The following ITGB4 variants were observed in gnomAD, a reference collection of about 807,000 sequenced individuals.
ITGB4 encodes the protein integrin subunit beta 4, also known as integrin beta-4.
Under a neutral mutation model 207.6 loss-of-function variants are expected in ITGB4, and 159 were observed. That is an observed-to-expected ratio of 0.77 (90% CI 0.67 to 0.87). The LOEUF is 0.87. Among genes scored for constraint, ITGB4 ranks in the 40% least tolerant of loss-of-function variants. The pLI is 0.00. For missense variants in ITGB4, 2,278 were observed against 2,546.8 expected (o/e 0.89, Z 2.27); for synonymous variants, 1,020 against 1,062.7 (o/e 0.96, Z 0.78).
chr17:75,724,804 G>T (rs1406228111), intron 2 of ITGB4, 22 bp downstream of exon 2: 1 of 1,601,062 alleles, frequency 6.2e-7, no homozygotes, highest in African/African-American at 1.3e-5. Context: ...TTGCCCTGCA[G>T]CCCCCTCCTG....
In ITGB4 at chr17:75,727,650, G is replaced by T; in HGVS notation, c.265-1G>T. 6.2e-7 allele frequency: 1 copy of T among 1,602,966 alleles called. No homozygotes were observed. ...CAGCTGTCCCCTTCCACTGGCTGCA[G>T]GAGACCCAGATTGACACCACCCTGC... On this transcript the variant is annotated splice_acceptor_variant, in intron 4 of 39. Transcript: ENST00000200181. LOFTEE classifies it high-confidence loss of function. This position sits in a 1 kb window ranked among gnomAD's most constrained non-coding sequence, Gnocchi z 6.0.
rs751621684 is a variant in ITGB4, at chr17:75,742,665, G to A, written c.2866G>A (p.Asp956Asn). Residue 956 changes from aspartate (D) to asparagine (N), a missense_variant, in exon 25 of 40, where the codon GAC becomes AAC. Transcript: ENST00000200181. The surrounding 1 kb of genome is among the most constrained non-coding windows in gnomAD (Gnocchi z 5.9). ...VPLFIRPEDDDEKQLLVEAID... is the reference protein window; with the variant it reads ...VPLFIRPEDDNEKQLLVEAID... ...CCTCTTTATCCGGCCTGAGGATGAC[G>A]ACGAGAAGCAGCTGCTGGTGGAGGC... 61 of 1,613,900 alleles carry A rather than the reference G, an allele frequency of 3.8e-5. No individual in the cohort carries two copies. Among genetic ancestry groups the A allele is most frequent in the East Asian group, 2.0e-4 (9 of 44,888 alleles).
At chr17:75,751,359 G>A (rs1010740668) in intron 30 of ITGB4, among the ~76,000 whole-genome samples, 2 of 152,212 alleles carry the variant, frequency 1.3e-5, no homozygotes, top group African/African-American at 4.8e-5. Context: ...GAGGTCACAG[G>A]CCCAGGGGTA....
chr17:75,737,150 A>C (rs1426093803), intron 16 of ITGB4, among the ~76,000 whole-genome samples, 172 bp from the exon 17 acceptor site: 1 of 152,088 alleles, frequency 6.6e-6, no homozygotes, highest in Admixed American at 6.5e-5. Context: ...CCCCCACCAC[A>C]CCCGTTCCTG....
chr17:75,724,636 C>G, intron 1 of ITGB4, 58 bp from the exon 2 acceptor site: 2 of 1,277,878 alleles, frequency 1.6e-6, no homozygotes, highest in South Asian at 2.4e-5. Flanking sequence ...CGAGAGGAAG[C>G]TGACGGCACC....
chr17:75,730,123 A>G, intron 7 of ITGB4, 118 bp from the exon 8 acceptor site: 1 of 1,340,422 alleles, frequency 7.5e-7, no homozygotes, highest in Non-Finnish European at 1.0e-6. Context: ...CTTGCTGTGA[A>G]TCCAGTGGCT....
Position 75,737,635 on chromosome 17 carries a change from C to G in ITGB4, c.2211C>G (p.Ala737=). ...LLLLLCWKYC[A]CCKACLALLP... ...TGCTGCTATGCTGGAAGTACTGTGC[C>G]TGCTGCAAGGTGAGCACCCAGGGTG... Residue 737 remains alanine (A), a synonymous_variant, in exon 18 of 40, where the codon GCC becomes GCG. Transcript: ENST00000200181. The G allele has an allele frequency of 6.2e-7, 1 of 1,613,030 alleles. No homozygotes were observed. The highest frequency in any genetic ancestry group is 8.5e-7 in the Non-Finnish European group (1 of 1,179,814).
intron 13 of ITGB4, among the ~76,000 whole-genome samples, chr17:75,735,412 C>CTTTTTTTTTTT (rs71361693): frequency 4.9e-5 from 5 of 102,844 alleles, no homozygotes; most frequent in African/African-American, 7.8e-5. Context: ...TTTTTCTTTT[C>CTTTTTTTTTTT]TTTTTTTTTT....
chr17:75,754,851 A>G, intron 34 of ITGB4, 36 bp downstream of exon 34: 1 of 1,612,266 alleles, frequency 6.2e-7, no homozygotes, highest in South Asian at 1.1e-5. Flanking sequence ...TCTCCCACTA[A>G]CCCTTCCTCT....
intron 26 of ITGB4, among the ~76,000 whole-genome samples, chr17:75,744,190 A>C (rs1472505969): frequency 1.4e-5 from 2 of 142,012 alleles, no homozygotes; most frequent in African/African-American, 2.7e-5. Context: ...GCACAATCTC[A>C]GCTCACCGCA....
Position 75,750,369 on chromosome 17 carries a change from A to C in ITGB4, c.3474+101A>C. 5 of 1,249,548 alleles carry C rather than the reference A, an allele frequency of 4.0e-6. No individual in the cohort carries two copies. Among genetic ancestry groups the C allele is most frequent in the Non-Finnish European group, 5.6e-6 (5 of 900,012 alleles). 77.4% of individuals were successfully genotyped at this position (1,249,548 alleles called of 1,614,324 possible). ...CCAAGGCCAGGGCCCCCTGAGAGAG[A>C]GCAGACAGTGGAACCTAGCACAGGT... On this transcript the variant is annotated intron_variant, in intron 28 of 39. Coordinates refer to ENST00000200181, the MANE Select transcript of ITGB4 (RefSeq NM_000213.5). The surrounding 1 kb of genome is among the most constrained non-coding windows in gnomAD (Gnocchi z 5.5).
intron 34 of ITGB4, chr17:75,755,203 C>G: frequency 6.2e-7 from 1 of 1,604,268 alleles, no homozygotes; most frequent in Non-Finnish European, 8.5e-7. Flanking sequence ...CAGCGCCCTC[C>G]TGGGGCCCAG....
rs1020617024 is a variant in ITGB4 at position 75,750,007 on chromosome 17, G to A, written c.3317-104G>A. 4.7e-5 allele frequency: 68 copies of A among 1,435,698 alleles called. No homozygotes were observed. The highest frequency in any genetic ancestry group is 1.8e-4 in the Middle Eastern group (1 of 5,664). 88.9% of individuals were successfully genotyped at this position (1,435,698 alleles called of 1,614,324 possible). On this transcript the variant is annotated intron_variant, in intron 27 of 39. Coordinates refer to ENST00000200181, the MANE Select transcript of ITGB4 (RefSeq NM_000213.5). The surrounding 1 kb of genome is among the most constrained non-coding windows in gnomAD (Gnocchi z 5.5). ...AGACGCGGGTGGGCAGGTCTGAGTTGAATGCGCTGGGTAGAGCGCCCTGGG... is the reference window on the plus strand; with the variant it reads ...AGACGCGGGTGGGCAGGTCTGAGTTAAATGCGCTGGGTAGAGCGCCCTGGG...
In ITGB4 at chr17:75,731,220, A is replaced by C; in HGVS notation, c.1093-26A>C. On this transcript the variant is annotated intron_variant, in intron 9 of 39. Coordinates refer to ENST00000200181, the MANE Select transcript of ITGB4 (RefSeq NM_000213.5). This position sits in a 1 kb window ranked among gnomAD's most constrained non-coding sequence, Gnocchi z 6.8. ...GGAGCACAGAGGCCCCCCACAGAGCACTGATCAACCTCCTTCCTCCTTTAG... is the reference window on the plus strand; with the variant it reads ...GGAGCACAGAGGCCCCCCACAGAGCCCTGATCAACCTCCTTCCTCCTTTAG... 1 of 1,613,088 alleles carries C rather than the reference A, an allele frequency of 6.2e-7. No individual in the cohort carries two copies. The highest frequency in any genetic ancestry group is 8.5e-7 in the Non-Finnish European group (1 of 1,180,008).
At chr17:75,736,985 C>T (rs554422694) in intron 16 of ITGB4, among the ~76,000 whole-genome samples, 2 of 152,324 alleles carry the variant, frequency 1.3e-5, no homozygotes, top group African/African-American at 4.8e-5. Flanking sequence ...CAGGGGCATG[C>T]ACCCAGCAGG....
intron 30 of ITGB4, 112 bp downstream of exon 30, chr17:75,751,223 C>T (rs1403933936): frequency 7.1e-6 from 9 of 1,266,358 alleles, no homozygotes; most frequent in African/African-American, 2.9e-5. Flanking sequence ...GCAGGGCACT[C>T]GAGGCCTTCA....
Position 75,752,576 on chromosome 17 carries a change from T to A in ITGB4, c.4107T>A (p.Thr1369=). 3 of 1,613,472 alleles carry A rather than the reference T, an allele frequency of 1.9e-6. No homozygotes were observed. The highest frequency in any genetic ancestry group is 2.5e-6 in the Non-Finnish European group (3 of 1,179,984). The part of the protein sequence containing the change: ...GSQRPSVSDD[T]GCGWKFEPLL... ...AGAGGCCCAGCGTCTCCGATGACAC[T>A]GGTGAGTGGAGACCTGGGACCCACA... The change falls in exon 32 of 40, where the codon ACT becomes ACA. Residue 1369 remains threonine (T), a splice_region_variant and synonymous_variant. Transcript: ENST00000200181.
chr17:75,747,342 G>A (rs1350010288), intron 26 of ITGB4, among the ~76,000 whole-genome samples: 1 of 152,174 alleles, frequency 6.6e-6, no homozygotes, highest in South Asian at 2.1e-4. Flanking sequence ...AGCCGGGCAT[G>A]GTGGCACACG....
intron 34 of ITGB4, chr17:75,755,150 T>A (rs1230583793): frequency 1.2e-6 from 2 of 1,611,268 alleles, no homozygotes; most frequent in African/African-American, 2.7e-5. Flanking sequence ...GTTCCCCCCT[T>A]CCAGGGGCCC....
Sources: allele counts gnomAD v4.1 joint callset (sites outside exome capture counted in the v4.1 genomes callset), GRCh38; gene constraint gnomAD v4.1.1; non-coding constraint Gnocchi (gnomAD v3.1); transcripts MANE v1.5; gene names NCBI Gene and HGNC (gene_info 2026-07-23, HGNC 2026-07-21).